Variants in SARDH observed in about 807,000 individuals in gnomAD.
The protein encoded by SARDH is sarcosine dehydrogenase, mitochondrial.
In SARDH, 95 loss-of-function variants were observed where a neutral mutation model predicts 109.1. The observed-to-expected ratio is 0.87, with a 90% confidence interval of 0.74 to 1.03. The LOEUF (loss-of-function observed/expected upper bound fraction) is 1.03, where lower values mean the gene tolerates loss of function less well. Ranked by LOEUF, SARDH falls within the 50% of genes least tolerant of loss-of-function variation. SARDH has a pLI of 0.00. For missense variants in SARDH, 1,267 were observed against 1,287.8 expected, an observed-to-expected ratio of 0.98 and a Z score of 0.25; for synonymous variants, 572 against 534.8, an observed-to-expected ratio of 1.07 and a Z score of -0.96.
chr9:133,690,471 T>TGTGGGACCAGTTGTG lies in SARDH; in HGVS notation c.1963_1977dup (p.His655_His659dup). 6.2e-7 allele frequency: 1 copy of TGTGGGACCAGTTGTG among 1,612,140 alleles called. No homozygotes were observed. Among genetic ancestry groups the TGTGGGACCAGTTGTG allele is most frequent in the South Asian group, 1.1e-5 (1 of 91,084 alleles). On this transcript the variant is annotated inframe_insertion, in exon 16 of 21. Transcript: ENST00000439388. ...TTCTGGTCCTGCAGCACGGTGGTGA[T>TGTGGGACCAGTTGTG]GTGGGACCAGTTGTGCTGGGCCACG...
intron 8 of SARDH, among the ~76,000 whole-genome samples, chr9:133,713,868 G>A (rs961590689): frequency 1.4e-4 from 22 of 152,358 alleles, no homozygotes; most frequent in South Asian, 4.1e-4. Flanking sequence ...CTGTGCGCTC[G>A]CCAGCCTACA....
chr9:133,672,518 G>C (rs755066680), intron 17 of SARDH, among the ~76,000 whole-genome samples: 4 of 152,176 alleles, frequency 2.6e-5, no homozygotes, highest in Non-Finnish European at 4.4e-5. Context: ...CGAGGAGCAG[G>C]GGGAAGGCAG....
chr9:133,685,402 G>T, intron 16 of SARDH, 116 bp from the exon 17 acceptor site: 1 of 692,954 alleles, frequency 1.4e-6, no homozygotes, highest in Non-Finnish European at 2.4e-6. Flanking sequence ...TGAGACAGAT[G>T]ACAATAAACA....
chr9:133,717,319 C>T lies in SARDH; in HGVS notation c.1150+7G>A. ...ACGCCCACCCCAGCTCCGAGGCTGTCACTCACCAGGGCCGCAGACCGTGGA... is the reference window on the plus strand; with the variant it reads ...ACGCCCACCCCAGCTCCGAGGCTGTTACTCACCAGGGCCGCAGACCGTGGA... On this transcript the variant is annotated splice_region_variant and intron_variant, in intron 8 of 20. Coordinates refer to ENST00000439388, the MANE Select transcript of SARDH (RefSeq NM_001134707.2). 6.2e-7 allele frequency: 1 copy of T among 1,613,898 alleles called. No homozygotes were observed. Among genetic ancestry groups the T allele is most frequent in the Non-Finnish European group, 8.5e-7 (1 of 1,179,852 alleles).
intron 14 of SARDH, 143 bp downstream of exon 14, chr9:133,696,080 G>C (rs886865517): frequency 6.4e-6 from 6 of 942,900 alleles, no homozygotes; most frequent in South Asian, 3.2e-5. Context: ...GGCCGGACGG[G>C]GGGGAGCTCA....
chr9:133,705,739 G>A (rs959147232), intron 11 of SARDH, among the ~76,000 whole-genome samples: 5 of 152,194 alleles, frequency 3.3e-5, no homozygotes, highest in Non-Finnish European at 7.3e-5. Context: ...TGCTATGGAC[G>A]GAATCACATC....
intron 16 of SARDH, among the ~76,000 whole-genome samples, chr9:133,690,093 C>T (rs951109998): frequency 3.9e-5 from 6 of 152,148 alleles, no homozygotes; most frequent in East Asian, 1.9e-4. Flanking sequence ...GGATGGTGGA[C>T]GGTAATTCCT....
Position 133,691,777 on chromosome 9 carries a change from A to G in SARDH, c.1922-1250T>C, listed in dbSNP as rs1445049665. Among the ~76,000 whole-genome samples, 4 of 152,160 alleles carry G rather than the reference A, an allele frequency of 2.6e-5. No individual in the cohort carries two copies. In the South Asian group the frequency reaches 8.3e-4, roughly 32 times the overall value. On this transcript the variant is annotated intron_variant, in intron 15 of 20. Transcript: ENST00000439388. ...ATATTTAATGCCCATGCATATTCATAACTCAAACAGTGCAGTTTTGAAGCC... is the reference window on the plus strand; with the variant it reads ...ATATTTAATGCCCATGCATATTCATGACTCAAACAGTGCAGTTTTGAAGCC...
chr9:133,715,386 C>T (rs374650746), intron 8 of SARDH, among the ~76,000 whole-genome samples: 2 of 152,150 alleles, frequency 1.3e-5, no homozygotes, highest in Non-Finnish European at 2.9e-5. Context: ...GGGATTCTTC[C>T]GGGCCTGTGT....
Position 133,713,093 on chromosome 9 carries a change from C to A in SARDH, c.1182G>T (p.Met394Ile), listed in dbSNP as rs781637558. 3 of 1,613,484 alleles carry A rather than the reference C, an allele frequency of 1.9e-6. No homozygotes were observed. Among genetic ancestry groups the A allele is most frequent in the South Asian group, 2.2e-5 (2 of 90,954 alleles). ...ESFTPDHKPLMGEAPELRGFF... is the reference protein window; with the variant it reads ...ESFTPDHKPLIGEAPELRGFF... ...ACCCTCGGAGCTCAGGTGCCTCCCC[C>A]ATCAGGGGCTTGTGGTCGGGCGTGA... Residue 394 changes from methionine to isoleucine, a missense_variant, in exon 9 of 21, where the codon ATG becomes ATT. Coordinates refer to ENST00000439388, the MANE Select transcript of SARDH (RefSeq NM_001134707.2).
Position 133,693,008 on chromosome 9 carries a change from T to C in SARDH, c.1921+1250A>G, listed in dbSNP as rs1432950535. ...AGAACCGCAGAGGCCCAGGAGCCCCTGCCAGCCCCCAGCCCCGAAGACCCG... is the reference window on the plus strand; with the variant it reads ...AGAACCGCAGAGGCCCAGGAGCCCCCGCCAGCCCCCAGCCCCGAAGACCCG... On this transcript the variant is annotated intron_variant, in intron 15 of 20. Coordinates refer to ENST00000439388, the MANE Select transcript of SARDH (RefSeq NM_001134707.2). The surrounding 1 kb of genome is among the most constrained non-coding windows in gnomAD (Gnocchi z 5.6). 1.3e-5 allele frequency among the ~76,000 whole-genome samples: 2 copies of C among 152,096 alleles called. No individual in the cohort carries two copies. Among genetic ancestry groups the C allele is most frequent in the African/African-American group, 4.8e-5 (2 of 41,418 alleles).
At chr9:133,713,925 A>C (rs925994410) in intron 8 of SARDH, among the ~76,000 whole-genome samples, 1 of 152,270 alleles carries the variant, frequency 6.6e-6, no homozygotes, top group Non-Finnish European at 1.5e-5. Flanking sequence ...GCTGAGCAGG[A>C]CATGTCCCAG....
rs1210179181 is a variant in SARDH at position 133,735,357 on chromosome 9, AC to A, written c.-30-1155del. 4.6e-5 allele frequency among the ~76,000 whole-genome samples: 7 copies of A among 152,162 alleles called. No homozygotes were observed. The East Asian group carries it at 1.2e-3, about 25-fold the overall frequency. ...CCCTCTGCTCCTTCCCAGCTGACCC[AC>A]CCCGACTCCCTCCTCCTTCAGGAAA... On this transcript the variant is annotated intron_variant, in intron 1 of 20. Coordinates refer to ENST00000439388, the MANE Select transcript of SARDH (RefSeq NM_001134707.2).
At position 133,666,648 on chromosome 9, in the gene SARDH, G is replaced by A; in HGVS notation, c.2631+87C>T. The A allele has an allele frequency of 1.3e-6, 2 of 1,517,622 alleles. No individual in the cohort carries two copies. The highest frequency in any genetic ancestry group is 2.0e-5 in the Admixed American group (1 of 50,188). The allele number at this position is 1,517,622 out of a possible 1,614,324, so 94.0% of individuals were successfully genotyped here. On this transcript the variant is annotated intron_variant, in intron 20 of 20. Transcript: ENST00000439388. This position sits in a 1 kb window ranked among gnomAD's most constrained non-coding sequence, Gnocchi z 5.2. ...CACCCGTGCCTCCTCCCTATGCCCG[G>A]CACACTCAGGGTGCAGTGCAGGGAG...
Position 133,734,001 on chromosome 9 carries a change from C to T in SARDH, c.173G>A (p.Gly58Asp), listed in dbSNP as rs1256804776. 1.2e-6 allele frequency: 2 copies of T among 1,612,852 alleles called. No homozygotes were observed. Among genetic ancestry groups the T allele is most frequent in the Admixed American group, 1.7e-5 (1 of 59,992 alleles). ...CGTGCTGGGCAGGGGCCGGCTTGGG[C>T]CTTGGGCCACCACCGAGGTGCCCTG... is the stretch of plus-strand genomic sequence containing the variant. ...EGQGTSVVAQ[G>D]PSRPLPSTAN... The change falls in exon 2 of 21, where the codon GGC becomes GAC. Residue 58 changes from glycine to aspartate, a missense_variant. By Grantham distance (94) the Gly-to-Asp change is moderately conservative. Transcript: ENST00000439388.
Position 133,712,593 on chromosome 9 carries a change from G to A in SARDH, c.1328+26C>T. ...CCACCTGTCCTGAGTGGCGGGCCCT[G>A]CCCTTAGGTCCCAATGGGCACTTAC... On this transcript the variant is annotated intron_variant, in intron 10 of 20. Transcript: ENST00000439388. The surrounding 1 kb of genome is among the most constrained non-coding windows in gnomAD (Gnocchi z 4.1). 1 of 1,586,500 alleles carries A rather than the reference G, an allele frequency of 6.3e-7. No individual in the cohort carries two copies. The highest frequency in any genetic ancestry group is 8.6e-7 in the Non-Finnish European group (1 of 1,164,880).
chr9:133,705,281 G>T (rs1161951965), intron 11 of SARDH, among the ~76,000 whole-genome samples: 13 of 121,470 alleles, frequency 1.1e-4, no homozygotes, highest in African/African-American at 1.2e-4. Context: ...ATTACCACCT[G>T]CCCCATCTGC....
At position 133,733,836 on chromosome 9, in the gene SARDH, T is replaced by C; in HGVS notation, c.331+7A>G. On this transcript the variant is annotated splice_region_variant and intron_variant, in intron 2 of 20. Transcript: ENST00000439388. Reference sequence around the variant, plus strand: ...TTCCCTGCCCCTACCTGGCCCCCGGTCCCTACCTGCCGTGTGCCAGGTGGT... The same window carrying C: ...TTCCCTGCCCCTACCTGGCCCCCGGCCCCTACCTGCCGTGTGCCAGGTGGT... 1 of 1,452,118 alleles carries C rather than the reference T, an allele frequency of 6.9e-7. No individual in the cohort carries two copies. Among genetic ancestry groups the C allele is most frequent in the Non-Finnish European group, 9.1e-7 (1 of 1,099,578 alleles). 90.0% of individuals were successfully genotyped at this position (1,452,118 alleles called of 1,614,324 possible).
intron 6 of SARDH, among the ~76,000 whole-genome samples, chr9:133,719,651 G>T (rs1832254955): frequency 1.2e-5 from 1 of 86,762 alleles, no homozygotes. Context: ...CACCCCAGGA[G>T]CAGATTGGAG....
Sources: allele counts gnomAD v4.1 joint callset (sites outside exome capture counted in the v4.1 genomes callset), GRCh38; gene constraint gnomAD v4.1.1; non-coding constraint Gnocchi (gnomAD v3.1); transcripts MANE v1.5; gene names NCBI Gene and HGNC (gene_info 2026-07-23, HGNC 2026-07-21).